ME1: variants seen among roughly 807,000 people sequenced by gnomAD.
ME1 encodes malic enzyme 1.
A neutral mutation model predicts 66.4 loss-of-function variants in ME1; 74 were observed. The ratio of observed to expected loss-of-function variants is 1.11; its 90% confidence interval spans 0.92 to 1.35. The LOEUF is 1.35. Among genes scored for constraint, ME1 ranks in the 40% most tolerant of loss-of-function variants. The pLI is 0.00. For missense variants in ME1, 750 were observed against 694.1 expected, an observed-to-expected ratio of 1.08 and a Z score of -0.90; for synonymous variants, 251 against 235.6, an observed-to-expected ratio of 1.07 and a Z score of -0.60.
chr6:83,344,104 C>A (rs1768640619), intron 5 of ME1, among the ~76,000 whole-genome samples: 1 of 149,460 alleles, frequency 6.7e-6, no homozygotes, highest in South Asian at 2.1e-4. Context: ...TAGCAAGACC[C>A]CGTCTAAAAA....
intron 7 of ME1, among the ~76,000 whole-genome samples, chr6:83,241,523 C>G (rs1003091415): frequency 1.3e-5 from 2 of 152,098 alleles, no homozygotes; most frequent in African/African-American, 2.4e-5. Flanking sequence ...TAAGTTCATA[C>G]ATTATATTTA....
rs55866196 is a variant in ME1, at chr6:83,324,716, C to CAAAAA, written c.601-9308_601-9304dup. On this transcript the variant is annotated intron_variant, in intron 5 of 13. Transcript: ENST00000369705. ...TGGTATTAATTAATAGCCTACCAAC[C>CAAAAA]AAAAAAAAAAAAAAAAAAAAAAAAG... 3.7e-3 allele frequency among the ~76,000 whole-genome samples: 183 copies of CAAAAA among 49,152 alleles called. 7 individuals are homozygous for CAAAAA. The highest frequency in any genetic ancestry group is 7.0e-3 in the African/African-American group (90 of 12,932). 32.2% of individuals were successfully genotyped at this position (49,152 alleles called of 152,430 possible).
rs554832005 is a variant in ME1 at position 83,359,348 on chromosome 6, G to A, written c.363-7209C>T. ...GAAAGTGTGACCCATGAGGAGGTGC[G>A]TTATGCTTGAAAAGAACTGCTTGAG... On this transcript the variant is annotated intron_variant, in intron 3 of 13. Transcript: ENST00000369705. Among the ~76,000 whole-genome samples, 61 of 152,250 alleles carry A rather than the reference G, an allele frequency of 4.0e-4. 1 individual carries two copies. Among genetic ancestry groups the A allele is most frequent in the African/African-American group, 1.2e-3 (48 of 41,540 alleles).
At chr6:83,274,191 T>C (rs1000510169) in intron 6 of ME1, among the ~76,000 whole-genome samples, 17 of 152,184 alleles carry the variant, frequency 1.1e-4, no homozygotes, top group African/African-American at 3.6e-4. Flanking sequence ...CTTACTATAT[T>C]GATAAGTGTT....
chr6:83,302,877 T>G (rs1362356377), intron 6 of ME1, among the ~76,000 whole-genome samples: 1 of 152,092 alleles, frequency 6.6e-6, no homozygotes, highest in Non-Finnish European at 1.5e-5. Flanking sequence ...GGGATTTATA[T>G]GTAGGTGAAA....
At chr6:83,294,089 T>G (rs1343125449) in intron 6 of ME1, among the ~76,000 whole-genome samples, 1 of 152,172 alleles carries the variant, frequency 6.6e-6, no homozygotes, top group East Asian at 1.9e-4. Context: ...AAATTATATA[T>G]TAAATATGGG....
At chr6:83,229,003 A>G in intron 9 of ME1, 72 bp from the exon 10 acceptor site, 5 of 923,886 alleles carry the variant, frequency 5.4e-6, no homozygotes, top group Non-Finnish European at 5.1e-6. Context: ...CGGTACATAT[A>G]TTACAAATAT....
intron 3 of ME1, among the ~76,000 whole-genome samples, chr6:83,394,804 G>A (rs188900165): frequency 1.2e-3 from 175 of 152,096 alleles, no homozygotes; most frequent in Non-Finnish European, 2.4e-4. Context: ...TATTTATTTC[G>A]ATTGTTTCTT....
At chr6:83,244,876 T>C (rs1168940061) in intron 7 of ME1, among the ~76,000 whole-genome samples, 2 of 151,542 alleles carry the variant, frequency 1.3e-5, no homozygotes, top group African/African-American at 4.9e-5. Context: ...ATCAAAGAGG[T>C]AAAAGAGCAT....
chr6:83,363,874 G>C (rs546571340), intron 3 of ME1, among the ~76,000 whole-genome samples: 3 of 152,262 alleles, frequency 2.0e-5, no homozygotes, highest in Admixed American at 1.3e-4. Context: ...TTGGGGATTG[G>C]TGCATTTCTA....
intron 5 of ME1, among the ~76,000 whole-genome samples, chr6:83,332,104 T>C (rs1022835842): frequency 6.6e-6 from 1 of 152,112 alleles, no homozygotes; most frequent in Non-Finnish European, 1.5e-5. Flanking sequence ...AAAGAAAATA[T>C]GGACTGTGAA....
chr6:83,332,607 C>A (rs1145895), intron 5 of ME1, among the ~76,000 whole-genome samples: 48,770 of 151,952 alleles, frequency 0.32, 8,202 homozygotes, highest in Middle Eastern at 0.49. Flanking sequence ...CCTTTGCAGC[C>A]ACTTGGATGA....
intron 3 of ME1, among the ~76,000 whole-genome samples, chr6:83,354,603 T>C (rs761502695): frequency 5.3e-5 from 8 of 152,306 alleles, no homozygotes; most frequent in African/African-American, 1.7e-4. Flanking sequence ...CTGATAACAG[T>C]AGTCAGTGCA....
At chr6:83,274,801 G>A (rs79940652) in intron 6 of ME1, among the ~76,000 whole-genome samples, 2,444 of 152,242 alleles carry the variant, frequency 0.016, 65 homozygotes, top group East Asian at 0.055. Flanking sequence ...TGCACATCAC[G>A]ATCAGTGACA....
intron 6 of ME1, among the ~76,000 whole-genome samples, chr6:83,312,939 T>C (rs1170448): frequency 0.33 from 49,506 of 151,932 alleles, 8,441 homozygotes; most frequent in Middle Eastern, 0.5. Flanking sequence ...TATTTTTTAG[T>C]AGAGACAGGG....
intron 9 of ME1, among the ~76,000 whole-genome samples, chr6:83,235,356 C>A (rs529610322): frequency 1.3e-5 from 2 of 152,234 alleles, no homozygotes; most frequent in Admixed American, 6.5e-5. Flanking sequence ...TAGAACAACA[C>A]CCGATCCATA....
At chr6:83,392,467 G>C (rs544240926) in intron 3 of ME1, 1 of 509,386 alleles carries the variant, frequency 2.0e-6, no homozygotes, top group South Asian at 1.4e-5. Flanking sequence ...TGGCTGCCTG[G>C]TCACCAGGGC....
chr6:83,281,829 A>G (rs1394840384), intron 6 of ME1, among the ~76,000 whole-genome samples: 6 of 143,520 alleles, frequency 4.2e-5, no homozygotes, highest in Non-Finnish European at 7.7e-5. Context: ...AAAAAAAAAA[A>G]AAAAAAGAAA....
intron 3 of ME1, among the ~76,000 whole-genome samples, chr6:83,394,557 C>T (rs1195772364): frequency 3.3e-5 from 5 of 152,074 alleles, no homozygotes; most frequent in Admixed American, 6.5e-5. Context: ...GGTAATGCAG[C>T]GCAGTATGAT....
Sources: gnomAD v4.1 joint callset for allele counts (sites outside exome capture counted in the v4.1 genomes callset) on GRCh38, gnomAD v4.1.1 for gene constraint, MANE v1.5 for transcripts, NCBI Gene and HGNC (gene_info 2026-07-23, HGNC 2026-07-21) for gene names.